Variants in BICC1 observed in about 807,000 individuals in gnomAD.
BICC1 encodes the protein BicC family RNA binding protein 1, also known as protein bicaudal C homolog 1.
BICC1 carries 43 observed loss-of-function variants against 111.0 expected under a neutral mutation model. That is an observed-to-expected ratio of 0.39 (90% CI 0.30 to 0.50). BICC1 has a LOEUF of 0.50. BICC1 is among the 20% of genes least tolerant of loss of function. BICC1 has a pLI of 0.88. For synonymous variants in BICC1, 467 were observed against 434.4 expected (o/e 1.07, Z -0.93); for missense variants, 1,091 against 1,203.2 (o/e 0.91, Z 1.38).
intron 2 of BICC1, among the ~76,000 whole-genome samples, chr10:58,676,491 C>G (rs1034776218): frequency 4.6e-5 from 7 of 152,190 alleles, no homozygotes; most frequent in Non-Finnish European, 1.0e-4. Flanking sequence ...TAGCCAGATT[C>G]CTCTCTAGAT....
At chr10:58,680,392 A>G (rs1006730074) in intron 2 of BICC1, among the ~76,000 whole-genome samples, 2 of 152,108 alleles carry the variant, frequency 1.3e-5, no homozygotes, top group Non-Finnish European at 2.9e-5. Context: ...CCAATAACAG[A>G]CAGCCAAATC....
intron 2 of BICC1, among the ~76,000 whole-genome samples, chr10:58,688,181 A>G (rs974970190): frequency 2.0e-5 from 3 of 152,070 alleles, no homozygotes; most frequent in Admixed American, 6.6e-5. Flanking sequence ...CAAAGCTTCC[A>G]CAGTGTGGAA....
chr10:58,551,412 A>T (rs1843292116), intron 1 of BICC1, among the ~76,000 whole-genome samples: 1 of 152,194 alleles, frequency 6.6e-6, no homozygotes, highest in Non-Finnish European at 1.5e-5. Flanking sequence ...TGATGTTTTG[A>T]TATATGTACA....
intron 2 of BICC1, among the ~76,000 whole-genome samples, chr10:58,691,487 C>T (rs1228940311): frequency 1.3e-5 from 2 of 152,182 alleles, no homozygotes; most frequent in Non-Finnish European, 2.9e-5. Context: ...ATAACCTACC[C>T]ACACACCACG....
chr10:58,814,344 C>A, intron 18 of BICC1: 1 of 551,426 alleles, frequency 1.8e-6, no homozygotes, highest in South Asian at 2.4e-5. Flanking sequence ...TATGCTCTGC[C>A]TTATTGGATA....
In BICC1 at chr10:58,754,030, T is replaced by C. The variant is rs1842068750; in HGVS notation, c.308-30971T>C. On this transcript the variant is annotated intron_variant, in intron 3 of 20. Transcript: ENST00000373886. ...AACTGTAAAGCAAATTTTGAGGTAT[T>C]AGGTGTATAAAAAGGCTACATTCAG... 1.3e-5 allele frequency among the ~76,000 whole-genome samples: 2 copies of C among 152,202 alleles called. 1 individual carries two copies. Among genetic ancestry groups the C allele is most frequent in the South Asian group, 4.1e-4 (2 of 4,836 alleles).
intron 1 of BICC1, among the ~76,000 whole-genome samples, chr10:58,577,226 A>C (rs2131998790): frequency 6.6e-6 from 1 of 152,284 alleles, no homozygotes; most frequent in African/African-American, 2.4e-5. Flanking sequence ...CTTAACCCTC[A>C]CAACAGACCC....
chr10:58,529,832 A>C (rs1184888585), intron 1 of BICC1, among the ~76,000 whole-genome samples: 1 of 151,910 alleles, frequency 6.6e-6, no homozygotes, highest in Non-Finnish European at 1.5e-5. Flanking sequence ...TGGATATCTG[A>C]GATGCATTAT....
intron 2 of BICC1, among the ~76,000 whole-genome samples, chr10:58,676,447 A>G (rs1239783708): frequency 1.3e-5 from 2 of 152,162 alleles, no homozygotes; most frequent in African/African-American, 4.8e-5. Context: ...GGGGAAGGGC[A>G]TCCGCCATTA....
intron 2 of BICC1, among the ~76,000 whole-genome samples, chr10:58,635,769 A>G (rs950788116): frequency 3.3e-5 from 5 of 152,168 alleles, no homozygotes; most frequent in Non-Finnish European, 7.4e-5. Flanking sequence ...TGGTATCCCC[A>G]AGCCCTGATC....
intron 2 of BICC1, among the ~76,000 whole-genome samples, chr10:58,691,094 C>G (rs374728651): frequency 1.5e-4 from 23 of 152,144 alleles, no homozygotes; most frequent in African/African-American, 5.3e-4. Flanking sequence ...AAGCTATCCA[C>G]CCTCTCTGAA....
At chr10:58,797,077 T>A (rs1207031022) in intron 10 of BICC1, among the ~76,000 whole-genome samples, 1 of 152,146 alleles carries the variant, frequency 6.6e-6, no homozygotes, top group African/African-American at 2.4e-5. Context: ...TGAACAAACG[T>A]CATCATCTCA....
At chr10:58,651,456 A>C (rs867290308) in intron 2 of BICC1, among the ~76,000 whole-genome samples, 2 of 152,184 alleles carry the variant, frequency 1.3e-5, no homozygotes, top group African/African-American at 2.4e-5. Context: ...GACAATGTGA[A>C]TCCTGTTCAG....
At chr10:58,743,925 C>T (rs1841749991) in intron 3 of BICC1, among the ~76,000 whole-genome samples, 1 of 151,968 alleles carries the variant, frequency 6.6e-6, no homozygotes, top group African/African-American at 2.4e-5. Flanking sequence ...ATGGTTTCTC[C>T]TAGATGGTTC....
Position 58,793,606 on chromosome 10 carries a change from G to A in BICC1, c.1170G>A (p.Gln390=). The A allele has an allele frequency of 6.2e-7, 1 of 1,613,672 alleles. No homozygotes were observed. The highest frequency in any genetic ancestry group is 8.5e-7 in the Non-Finnish European group (1 of 1,179,874). ...TCAGTATTAAACCAAAGCCCAAACAGCCAAGCAAGGTTGGTTCAGAGTCTG... is the reference window on the plus strand; with the variant it reads ...TCAGTATTAAACCAAAGCCCAAACAACCAAGCAAGGTTGGTTCAGAGTCTG... ...VFISIKPKPK[Q]PSKSVIVKSV... Residue 390 remains glutamine, a synonymous_variant, in exon 9 of 21, where the codon CAG becomes CAA. Transcript: ENST00000373886.
chr10:58,667,490 TC>T (rs59354190), intron 2 of BICC1, among the ~76,000 whole-genome samples: 152,065 of 152,068 alleles, frequency 1, 76,031 homozygotes, highest in Middle Eastern at 1. Context: ...TTCAAGGAAT[TC>T]TTATATTTCC....
chr10:58,692,850 A>AT lies in BICC1; in HGVS notation c.238-9214dup, dbSNP rs57748644. 2.2e-3 allele frequency among the ~76,000 whole-genome samples: 307 copies of AT among 141,560 alleles called. 1 individual carries two copies. Among genetic ancestry groups the AT allele is most frequent in the Middle Eastern group, 3.9e-3 (1 of 254 alleles). 92.9% of individuals were successfully genotyped at this position (141,560 alleles called of 152,430 possible). ...GATATCTCCATCTTTTTTTTTTTTG[A>AT]TTTTTTTTTTAAATTTTATTATTAT... On this transcript the variant is annotated intron_variant, in intron 2 of 20. Transcript: ENST00000373886.
rs1843027431 is a variant in BICC1, at chr10:58,786,959, A to G, written c.424A>G (p.Thr142Ala). 4 of 1,603,286 alleles carry G rather than the reference A, an allele frequency of 2.5e-6. No individual in the cohort carries two copies. Among genetic ancestry groups the G allele is most frequent in the Non-Finnish European group, 3.4e-6 (4 of 1,176,522 alleles). Residue 142 changes from threonine to alanine, a missense_variant, in exon 5 of 21, where the codon ACA becomes GCA. Transcript: ENST00000373886. ...RVTLKMDVSH[T>A]EHSHVIGKGG... ...CACACTGAAGATGGATGTTTCACAT[A>G]CAGAACATTCACATGTAATCGGCAA...
intron 2 of BICC1, among the ~76,000 whole-genome samples, chr10:58,628,903 TC>T (rs1837710201): frequency 6.6e-6 from 1 of 152,316 alleles, no homozygotes. Flanking sequence ...GGTAAAGGCC[TC>T]CATAGATGTC....
Sources: allele counts gnomAD v4.1 joint callset (sites outside exome capture counted in the v4.1 genomes callset), GRCh38; gene constraint gnomAD v4.1.1; transcripts MANE v1.5; gene names NCBI Gene and HGNC (gene_info 2026-07-23, HGNC 2026-07-21).